TSHZ2: variants seen among roughly 807,000 people sequenced by gnomAD.
TSHZ2 encodes the protein teashirt homolog 2.
Under a neutral mutation model 74.4 loss-of-function variants are expected in TSHZ2, and 21 were observed. The ratio of observed to expected loss-of-function variants is 0.28; its 90% CI spans 0.20 to 0.41. The LOEUF is 0.41. TSHZ2 is among the 10% of genes least tolerant of loss of function. The probability of loss-of-function intolerance (pLI) is 1.00; values close to 1 mark genes in which losing one functional copy is unlikely to be tolerated. For missense variants in TSHZ2, 1,244 were observed against 1,293.5 expected (o/e 0.96, Z 0.59); for synonymous variants, 540 against 515.3 (o/e 1.05, Z -0.65).
At chr20:53,044,744 G>C (rs6126737) in intron 1 of TSHZ2, among the ~76,000 whole-genome samples, 40,023 of 151,996 alleles carry the variant, frequency 0.26, 9,558 homozygotes, top group African/African-American at 0.64. Context: ...GGGTCTCACT[G>C]TGTTGGCCAG....
intron 2 of TSHZ2, among the ~76,000 whole-genome samples, chr20:53,285,438 C>G (rs1404346834): frequency 1.3e-5 from 2 of 152,100 alleles, no homozygotes; most frequent in Non-Finnish European, 2.9e-5. Flanking sequence ...GGGCCAGGTG[C>G]GGTGGCTCAC....
intron 1 of TSHZ2, among the ~76,000 whole-genome samples, chr20:53,180,911 T>C (rs1988452284): frequency 6.6e-6 from 1 of 152,154 alleles, no homozygotes; most frequent in African/African-American, 2.4e-5. Context: ...TTAGATCCCA[T>C]GATCTCCTAT....
At chr20:53,051,839 G>C (rs1984478668) in intron 1 of TSHZ2, among the ~76,000 whole-genome samples, 1 of 152,148 alleles carries the variant, frequency 6.6e-6, no homozygotes, top group African/African-American at 2.4e-5. Context: ...TTAATCAAAA[G>C]AAAGGTGCGA....
intron 2 of TSHZ2, among the ~76,000 whole-genome samples, chr20:53,359,857 G>A (rs561756380): frequency 1.3e-5 from 2 of 152,352 alleles, no homozygotes; most frequent in South Asian, 4.1e-4. Context: ...CCGATGGTGA[G>A]CAACAAAACC....
intron 1 of TSHZ2, among the ~76,000 whole-genome samples, chr20:53,050,437 T>G (rs80339539): frequency 0.014 from 2,078 of 152,176 alleles, 50 homozygotes; most frequent in African/African-American, 0.042. Flanking sequence ...GACTAATAAT[T>G]TGCCCCATTT....
At chr20:53,009,906 T>TTTTG (rs1274596392) in intron 1 of TSHZ2, among the ~76,000 whole-genome samples, 1 of 152,228 alleles carries the variant, frequency 6.6e-6, no homozygotes, top group East Asian at 1.9e-4. Flanking sequence ...ACTCTGAGGA[T>TTTTG]TTTGTTTGTT....
At chr20:52,975,415 C>G (rs1981294307) in intron 1 of TSHZ2, among the ~76,000 whole-genome samples, 1 of 152,064 alleles carries the variant, frequency 6.6e-6, no homozygotes, top group Non-Finnish European at 1.5e-5. Context: ...GATAAGGATC[C>G]AGGTGTACGT....
intron 2 of TSHZ2, among the ~76,000 whole-genome samples, chr20:53,348,594 G>T (rs879414890): frequency 6.6e-6 from 1 of 152,094 alleles, no homozygotes. Flanking sequence ...ACCTGATATT[G>T]AGCCGGAAAT....
intron 2 of TSHZ2, among the ~76,000 whole-genome samples, chr20:53,317,892 G>C (rs1382216016): frequency 6.6e-6 from 1 of 152,202 alleles, no homozygotes; most frequent in East Asian, 1.9e-4. Flanking sequence ...CTTTGGGTCA[G>C]CCCCTGTGCT....
At chr20:53,477,914 C>T (rs1220034969) in intron 2 of TSHZ2, among the ~76,000 whole-genome samples, 1 of 150,914 alleles carries the variant, frequency 6.6e-6, no homozygotes, top group East Asian at 2.0e-4. Context: ...TGAAAAAATG[C>T]TCATCATCAC....
Position 53,054,099 on chromosome 20 carries a change from C to T in TSHZ2, c.40+80766C>T, listed in dbSNP as rs191939773. Among the ~76,000 whole-genome samples the T allele has an allele frequency of 3.9e-5, 6 of 152,300 alleles. No individual in the cohort carries two copies. In the East Asian group the frequency reaches 9.6e-4, roughly 24 times the overall value. On this transcript the variant is annotated intron_variant, in intron 1 of 2. Coordinates refer to ENST00000371497, the MANE Select transcript of TSHZ2 (RefSeq NM_173485.6). ...GTCAGATCCGGAGCGAATCGAGGAA[C>T]GATGTACCACAAGGTGGCCCACACA... is the stretch of plus-strand genomic sequence containing the variant.
chr20:53,129,020 G>T (rs1018699264), intron 1 of TSHZ2, among the ~76,000 whole-genome samples: 1 of 152,054 alleles, frequency 6.6e-6, no homozygotes, highest in African/African-American at 2.4e-5. Context: ...AGTGAACAAA[G>T]GCTGTGACCC....
intron 2 of TSHZ2, among the ~76,000 whole-genome samples, chr20:53,454,213 A>C (rs1568925102): frequency 6.6e-6 from 1 of 152,120 alleles, no homozygotes; most frequent in Admixed American, 6.5e-5. Context: ...AAACTGCTTA[A>C]CTGTCTTAGG....
chr20:53,048,517 C>T (rs755227160), intron 1 of TSHZ2, among the ~76,000 whole-genome samples: 2 of 152,178 alleles, frequency 1.3e-5, no homozygotes, highest in African/African-American at 4.8e-5. Flanking sequence ...AGCCATTACC[C>T]TCCTCCTGAT....
intron 1 of TSHZ2, among the ~76,000 whole-genome samples, chr20:52,993,493 C>A (rs546727629): frequency 6.6e-6 from 1 of 152,264 alleles, no homozygotes; most frequent in South Asian, 2.1e-4. Flanking sequence ...GTCCCCTGGG[C>A]GCCCCTCCAC....
rs534915348 is a variant in TSHZ2, at chr20:53,323,745, T to A, written c.*8+67174T>A. Among the ~76,000 whole-genome samples the A allele has an allele frequency of 3.2e-3, 482 of 151,850 alleles. 4 individuals carry two copies. The highest frequency in any genetic ancestry group is 0.011 in the African/African-American group (466 of 41,374). ...CGCACACCACCACACCCAGCTAATT[T>A]TTTTGTCTTTTTAGTAGAGACAGGT... On this transcript the variant is annotated intron_variant, in intron 2 of 2. Transcript: ENST00000371497.
chr20:53,482,107 A>AT (rs1986166829), intron 2 of TSHZ2, among the ~76,000 whole-genome samples: 4 of 86,244 alleles, frequency 4.6e-5, no homozygotes, highest in African/African-American at 1.6e-4. Context: ...ACTCCATCTC[A>AT]TAAAAAAAAA....
chr20:53,244,249 G>A (rs1990147226), intron 1 of TSHZ2, among the ~76,000 whole-genome samples: 1 of 152,082 alleles, frequency 6.6e-6, no homozygotes. Flanking sequence ...GGAACTATAT[G>A]TGTGTGAGTG....
At chr20:53,315,140 G>T (rs1009259475) in intron 2 of TSHZ2, among the ~76,000 whole-genome samples, 5 of 152,216 alleles carry the variant, frequency 3.3e-5, no homozygotes, top group Non-Finnish European at 5.9e-5. Flanking sequence ...ATTAGTAGCT[G>T]CCATCTTTGG....
Sources: gnomAD v4.1 joint callset for allele counts (sites outside exome capture counted in the v4.1 genomes callset) on GRCh38, gnomAD v4.1.1 for gene constraint, MANE v1.5 for transcripts, NCBI Gene and HGNC (gene_info 2026-07-23, HGNC 2026-07-21) for gene names.